The following CSMD1 variants were observed in gnomAD, a reference collection of about 807,000 sequenced individuals.
CSMD1 encodes the protein CUB and sushi domain-containing protein 1.
Under a neutral mutation model 417.5 loss-of-function variants are expected in CSMD1, and 213 were observed. The ratio of observed to expected loss-of-function variants is 0.51; its 90% CI spans 0.46 to 0.57. CSMD1 has a LOEUF of 0.57. Ranked by LOEUF, CSMD1 falls within the 20% of genes least tolerant of loss-of-function variation. The pLI, the probability that CSMD1 is intolerant of heterozygous loss-of-function variation, is 0.00. For synonymous variants in CSMD1, 2,862 were observed against 1,736.8 expected (o/e 1.65, Z -16.11); for missense variants, 6,923 against 4,529.7 (o/e 1.53, Z -15.17).
chr8:4,238,739 C>A (rs1700113), intron 3 of CSMD1, among the ~76,000 whole-genome samples: 1 of 151,926 alleles, frequency 6.6e-6, no homozygotes, highest in African/African-American at 2.4e-5. Flanking sequence ...CTCTTGCTTC[C>A]AATTAAAGTT....
At chr8:3,822,266 A>C (rs1002172991) in intron 5 of CSMD1, among the ~76,000 whole-genome samples, 11 of 152,162 alleles carry the variant, frequency 7.2e-5, no homozygotes, top group African/African-American at 2.7e-4. Context: ...TCCCTTAAAG[A>C]GACATTTACC....
At chr8:4,975,477 G>A (rs1194903559) in intron 1 of CSMD1, among the ~76,000 whole-genome samples, 1 of 152,172 alleles carries the variant, frequency 6.6e-6, no homozygotes, top group African/African-American at 2.4e-5. Flanking sequence ...ACTAAAAACA[G>A]AAGTCAAGTT....
At chr8:3,558,878 G>A (rs1201016994) in intron 10 of CSMD1, among the ~76,000 whole-genome samples, 1 of 152,120 alleles carries the variant, frequency 6.6e-6, no homozygotes, top group East Asian at 1.9e-4. Context: ...CTGCCGCCCT[G>A]TAGTTGCTCA....
chr8:4,336,761 T>C (rs978101941), intron 3 of CSMD1, among the ~76,000 whole-genome samples: 1 of 152,028 alleles, frequency 6.6e-6, no homozygotes, highest in Non-Finnish European at 1.5e-5. Flanking sequence ...GGATCCACAA[T>C]GGGCAAAGCT....
At chr8:2,983,974 G>A (rs1314270313) in intron 54 of CSMD1, among the ~76,000 whole-genome samples, 2 of 152,116 alleles carry the variant, frequency 1.3e-5, no homozygotes, top group East Asian at 3.9e-4. Context: ...AAGCAAAATT[G>A]GCAGAAATAC....
intron 7 of CSMD1, among the ~76,000 whole-genome samples, chr8:3,691,745 A>G (rs1384310060): frequency 6.6e-6 from 1 of 151,604 alleles, no homozygotes; most frequent in Non-Finnish European, 1.5e-5. Context: ...AGAATTTGAG[A>G]AAATGAGGCT....
At chr8:3,262,444 A>G (rs964197014) in intron 26 of CSMD1, among the ~76,000 whole-genome samples, 19 of 151,786 alleles carry the variant, frequency 1.3e-4, no homozygotes, top group African/African-American at 4.1e-4. Flanking sequence ...TCTTGGAATA[A>G]TAATAAATAC....
chr8:3,422,291 A>C (rs1813544273), intron 12 of CSMD1, among the ~76,000 whole-genome samples: 1 of 152,122 alleles, frequency 6.6e-6, no homozygotes, highest in African/African-American at 2.4e-5. Flanking sequence ...GTACCTGATC[A>C]ATGCTCAGCC....
intron 3 of CSMD1, among the ~76,000 whole-genome samples, chr8:4,165,743 C>T (rs1232759675): frequency 1.3e-5 from 2 of 152,196 alleles, no homozygotes; most frequent in African/African-American, 4.8e-5. Flanking sequence ...CTAAGCATCT[C>T]ATCATTTCTT....
At chr8:3,996,819 G>A (rs141882297) in intron 5 of CSMD1, among the ~76,000 whole-genome samples, 1 of 152,280 alleles carries the variant, frequency 6.6e-6, no homozygotes, top group East Asian at 1.9e-4. Context: ...TCCATGAATA[G>A]GAATCATCAG....
chr8:3,844,065 C>A (rs1303408214), intron 5 of CSMD1, among the ~76,000 whole-genome samples: 2 of 152,102 alleles, frequency 1.3e-5, no homozygotes, highest in African/African-American at 2.4e-5. Flanking sequence ...AATTTCCATC[C>A]CACTCTCAAC....
At chr8:4,648,950 G>A (rs1260922618) in intron 1 of CSMD1, among the ~76,000 whole-genome samples, 1 of 152,204 alleles carries the variant, frequency 6.6e-6, no homozygotes, top group African/African-American at 2.4e-5. Context: ...CACTTCCTTA[G>A]TACTGACACC....
At chr8:4,867,503 C>G (rs1802485040) in intron 1 of CSMD1, among the ~76,000 whole-genome samples, 1 of 152,094 alleles carries the variant, frequency 6.6e-6, no homozygotes, top group African/African-American at 2.4e-5. Flanking sequence ...CCTATCCCAG[C>G]CAACCTCGGA....
chr8:4,315,409 T>G (rs952024015), intron 3 of CSMD1, among the ~76,000 whole-genome samples: 1 of 152,090 alleles, frequency 6.6e-6, no homozygotes, highest in African/African-American at 2.4e-5. Context: ...AAGGGATGAG[T>G]GGCCCATGTT....
intron 26 of CSMD1, among the ~76,000 whole-genome samples, chr8:3,283,730 A>G (rs1413831634): frequency 6.6e-6 from 1 of 152,224 alleles, no homozygotes; most frequent in African/African-American, 2.4e-5. Flanking sequence ...AGACATAGAC[A>G]CACAGGGAAG....
intron 5 of CSMD1, among the ~76,000 whole-genome samples, chr8:3,810,187 G>A (rs1298864542): frequency 6.6e-6 from 1 of 152,122 alleles, no homozygotes; most frequent in East Asian, 1.9e-4. Flanking sequence ...CTCCATACAT[G>A]TCCAATGAGT....
chr8:4,788,724 G>A, intron 1 of CSMD1: 1 of 451,150 alleles, frequency 2.2e-6, no homozygotes, highest in Non-Finnish European at 4.0e-6. Flanking sequence ...TGCTTCTCTA[G>A]ATCCATACTA....
chr8:3,550,785 TG>T (rs1221308700), intron 10 of CSMD1, among the ~76,000 whole-genome samples: 2 of 152,226 alleles, frequency 1.3e-5, no homozygotes, highest in African/African-American at 4.8e-5. Flanking sequence ...ACATCCTTCC[TG>T]GGTCACAGAC....
At chr8:4,879,501 G>C (rs1470835708) in intron 1 of CSMD1, among the ~76,000 whole-genome samples, 1 of 152,058 alleles carries the variant, frequency 6.6e-6, no homozygotes, top group African/African-American at 2.4e-5. Flanking sequence ...TATAACATCT[G>C]CTGTTTATAA....
Sources: gnomAD v4.1 joint callset for allele counts (sites outside exome capture counted in the v4.1 genomes callset) on GRCh38, gnomAD v4.1.1 for gene constraint, MANE v1.5 for transcripts, NCBI Gene and HGNC (gene_info 2026-07-23, HGNC 2026-07-21) for gene names.